DLGAP2: variants seen among roughly 807,000 people sequenced by gnomAD.
DLGAP2 encodes disks large-associated protein 2.
A neutral mutation model predicts 100.3 loss-of-function variants in DLGAP2; 26 were observed. That is an observed-to-expected ratio of 0.26 (90% CI 0.19 to 0.36). The LOEUF (loss-of-function observed/expected upper bound fraction) is 0.36, where lower values mean the gene tolerates loss of function less well. Among genes scored for constraint, DLGAP2 ranks in the 10% least tolerant of loss-of-function variants. The probability of loss-of-function intolerance (pLI) is 1.00; values close to 1 mark genes in which losing one functional copy is unlikely to be tolerated. For missense variants in DLGAP2, 1,858 were observed against 1,453.2 expected, an observed-to-expected ratio of 1.28 and a Z score of -4.53; for synonymous variants, 886 against 630.1, an observed-to-expected ratio of 1.41 and a Z score of -6.08.
chr8:1,444,833 G>T (rs1328971387), intron 3 of DLGAP2, among the ~76,000 whole-genome samples: 1 of 137,996 alleles, frequency 7.2e-6, no homozygotes. Context: ...AGGCTGGAGT[G>T]CAGTGGCGTG....
At chr8:762,909 C>G (rs1381354106) in intron 1 of DLGAP2, among the ~76,000 whole-genome samples, 1 of 152,134 alleles carries the variant, frequency 6.6e-6, no homozygotes, top group African/African-American at 2.4e-5. Context: ...TACTCCTGGG[C>G]TCAAGCAGTC....
chr8:1,447,591 C>G (rs1798017088), intron 3 of DLGAP2, among the ~76,000 whole-genome samples: 3 of 152,188 alleles, frequency 2.0e-5, no homozygotes, highest in African/African-American at 4.8e-5. Context: ...CAGAATGATG[C>G]TGGCCTCATA....
chr8:1,228,500 C>G (rs987236710), intron 2 of DLGAP2, among the ~76,000 whole-genome samples: 1 of 152,140 alleles, frequency 6.6e-6, no homozygotes, highest in African/African-American at 2.4e-5. Context: ...ACAATGACAT[C>G]ATAAGAAACT....
intron 3 of DLGAP2, among the ~76,000 whole-genome samples, chr8:1,264,299 G>A (rs143219160): frequency 1.3e-5 from 2 of 152,224 alleles, no homozygotes; most frequent in East Asian, 1.9e-4. Flanking sequence ...TGGGGTTGCG[G>A]TCTGTGCCCT....
At chr8:764,779 C>G (rs951294327) in intron 1 of DLGAP2, among the ~76,000 whole-genome samples, 5 of 152,152 alleles carry the variant, frequency 3.3e-5, no homozygotes, top group African/African-American at 1.2e-4. Context: ...CTTGCAGGTT[C>G]TCTCATAGGT....
At chr8:1,362,195 C>T (rs531422489) in intron 3 of DLGAP2, among the ~76,000 whole-genome samples, 12 of 152,136 alleles carry the variant, frequency 7.9e-5, no homozygotes, top group African/African-American at 2.9e-4. Context: ...CAGGGGCGGC[C>T]GAGGTGGCAG....
intron 2 of DLGAP2, among the ~76,000 whole-genome samples, chr8:1,186,059 GA>G (rs1797496889): frequency 6.6e-6 from 1 of 152,180 alleles, no homozygotes. Flanking sequence ...GCGGGCTCTG[GA>G]GACAGCCCCA....
At chr8:1,266,195 A>C (rs1421825636) in intron 3 of DLGAP2, among the ~76,000 whole-genome samples, 3 of 152,214 alleles carry the variant, frequency 2.0e-5, no homozygotes, top group African/African-American at 7.2e-5. Flanking sequence ...CTATCTGCGA[A>C]AGGGGGTTCT....
chr8:1,307,056 G>T (rs1800507718), intron 3 of DLGAP2, among the ~76,000 whole-genome samples: 1 of 152,098 alleles, frequency 6.6e-6, no homozygotes. Context: ...CAGAATTAAA[G>T]CTTGTGTGCA....
At chr8:1,326,253 T>C (rs914075115) in intron 3 of DLGAP2, among the ~76,000 whole-genome samples, 2 of 152,242 alleles carry the variant, frequency 1.3e-5, no homozygotes, top group South Asian at 2.1e-4. Context: ...GCATTTAACT[T>C]GTATGCAGAA....
chr8:1,670,220 G>C (rs368457190), intron 10 of DLGAP2, among the ~76,000 whole-genome samples: 29 of 152,198 alleles, frequency 1.9e-4, no homozygotes, highest in African/African-American at 6.8e-4. Context: ...AGCACGTGCA[G>C]TACCGACTTT....
intron 1 of DLGAP2, among the ~76,000 whole-genome samples, chr8:873,597 T>C (rs1797638065): frequency 6.6e-6 from 1 of 152,230 alleles, no homozygotes; most frequent in African/African-American, 2.4e-5. Context: ...TTGAGGATTT[T>C]TTAATCTATA....
At chr8:882,237 G>C (rs946125975) in intron 1 of DLGAP2, among the ~76,000 whole-genome samples, 1 of 128,678 alleles carries the variant, frequency 7.8e-6, no homozygotes, top group Non-Finnish European at 1.8e-5. Flanking sequence ...CACATCATCA[G>C]AGATCTGCGG....
intron 1 of DLGAP2, among the ~76,000 whole-genome samples, chr8:860,505 A>T (rs1585942982): frequency 6.6e-6 from 1 of 152,222 alleles, no homozygotes; most frequent in Admixed American, 6.5e-5. Context: ...GGGGCCGTAG[A>T]GAATGGGAAG....
At chr8:815,884 G>C (rs911293083) in intron 1 of DLGAP2, among the ~76,000 whole-genome samples, 1 of 152,102 alleles carries the variant, frequency 6.6e-6, no homozygotes, top group Non-Finnish European at 1.5e-5. Flanking sequence ...ATAAATTTGG[G>C]AGCTTCAGTG....
chr8:1,423,456 C>T (rs777482835), intron 3 of DLGAP2, among the ~76,000 whole-genome samples: 1 of 152,238 alleles, frequency 6.6e-6, no homozygotes, highest in South Asian at 2.1e-4. Flanking sequence ...CTGATGACCA[C>T]TGCCCTGCCA....
chr8:810,880 C>G (rs1411459845), intron 1 of DLGAP2, among the ~76,000 whole-genome samples: 1 of 152,176 alleles, frequency 6.6e-6, no homozygotes, highest in African/African-American at 2.4e-5. Context: ...GAATTGCAAA[C>G]TTGATTAGGA....
intron 2 of DLGAP2, among the ~76,000 whole-genome samples, chr8:966,196 C>G (rs1019941982): frequency 1.3e-5 from 2 of 152,150 alleles, no homozygotes; most frequent in Non-Finnish European, 2.9e-5. Flanking sequence ...TGTGGGAATC[C>G]ATAGGAATTT....
chr8:1,193,021 C>T (rs1192980227), intron 2 of DLGAP2, among the ~76,000 whole-genome samples: 1 of 152,108 alleles, frequency 6.6e-6, no homozygotes, highest in Non-Finnish European at 1.5e-5. Flanking sequence ...TTTATGGCTG[C>T]ATAGTATTCC....
Sources: gnomAD v4.1 joint callset for allele counts (sites outside exome capture counted in the v4.1 genomes callset) on GRCh38, gnomAD v4.1.1 for gene constraint, MANE v1.5 for transcripts, NCBI Gene and HGNC (gene_info 2026-07-23, HGNC 2026-07-21) for gene names.